Variants in PRKAR1A observed in about 807,000 individuals in gnomAD.
PRKAR1A encodes the protein protein kinase cAMP-dependent type I regulatory subunit alpha, also known as cAMP-dependent protein kinase type I-alpha regulatory subunit.
In PRKAR1A, 3 loss-of-function variants were observed where a neutral mutation model predicts 52.0. The observed-to-expected ratio is 0.06, with a 90% CI of 0.03 to 0.15. The LOEUF is 0.15. Among genes scored for constraint, PRKAR1A ranks in the 10% least tolerant of loss-of-function variants. The probability of loss-of-function intolerance (pLI) is 1.00; values close to 1 mark genes in which losing one functional copy is unlikely to be tolerated. For missense variants in PRKAR1A, 240 were observed against 477.4 expected, an observed-to-expected ratio of 0.50 and a Z score of 4.63; for synonymous variants, 188 against 168.4, an observed-to-expected ratio of 1.12 and a Z score of -0.90.
chr17:68,539,226 C>G, intron 11 of PRKAR1A: 1 of 972,228 alleles, frequency 1.0e-6, no homozygotes, highest in South Asian at 1.3e-5. Context: ...TCATTCTACC[C>G]ACTTACGTCC....
chr17:68,473,924 G>A, the PRKAR1A span, among the ~76,000 whole-genome samples: 2 of 152,146 alleles, frequency 1.3e-5, no homozygotes, highest in Non-Finnish European at 2.9e-5. Context: ...TTGGAAACTG[G>A]GAGAATGGGA....
intron 9 of PRKAR1A, among the ~76,000 whole-genome samples, chr17:68,529,619 T>A (rs1314790278): frequency 1.3e-5 from 2 of 152,228 alleles, no homozygotes; most frequent in African/African-American, 2.4e-5. Flanking sequence ...TAAATGAATG[T>A]ATGTGGTATT....
chr17:68,476,326 A>C, the PRKAR1A span, among the ~76,000 whole-genome samples: 1 of 152,186 alleles, frequency 6.6e-6, no homozygotes, highest in Non-Finnish European at 1.5e-5. Context: ...AGGTATTTGA[A>C]GGCAGAAGGA....
At chr17:68,541,707 A>T in intron 11 of PRKAR1A, 1 of 371,796 alleles carries the variant, frequency 2.7e-6, no homozygotes, top group Non-Finnish European at 4.9e-6. Flanking sequence ...TGTTCTCCCC[A>T]CTAGACCAAG....
At chr17:68,434,205 T>A in the PRKAR1A span, among the ~76,000 whole-genome samples, 1 of 152,186 alleles carries the variant, frequency 6.6e-6, no homozygotes, top group African/African-American at 2.4e-5. Flanking sequence ...CTACATCCGA[T>A]AAGATCCCAA....
the PRKAR1A span, among the ~76,000 whole-genome samples, chr17:68,431,948 C>G: frequency 1.3e-5 from 2 of 152,172 alleles, no homozygotes; most frequent in Non-Finnish European, 2.9e-5. Context: ...TGAACGGCAT[C>G]TTAACAGCTC....
chr17:68,479,120 C>CA, the PRKAR1A span, among the ~76,000 whole-genome samples: 1 of 152,144 alleles, frequency 6.6e-6, no homozygotes, highest in Admixed American at 6.5e-5. Flanking sequence ...TCTTTTTGTC[C>CA]AGTATTTTAG....
intron 11 of PRKAR1A, among the ~76,000 whole-genome samples, chr17:68,546,791 C>T (rs1009101890): frequency 1.4e-5 from 2 of 140,978 alleles, no homozygotes; most frequent in African/African-American, 2.7e-5. Flanking sequence ...GATTGAGCCA[C>T]TGGACTCCAG....
chr17:68,515,653 T>G (rs1191980333), intron 2 of PRKAR1A, 77 bp downstream of exon 2: 1 of 1,490,038 alleles, frequency 6.7e-7, no homozygotes, highest in Non-Finnish European at 9.2e-7. Flanking sequence ...TACTAATTTG[T>G]ATTTTTTGGA....
Position 68,530,775 on chromosome 17 carries a change from G to A in PRKAR1A, c.*326G>A. 3.9e-6 allele frequency: 5 copies of A among 1,292,918 alleles called. No individual in the cohort carries two copies. Among genetic ancestry groups the A allele is most frequent in the Non-Finnish European group, 4.9e-6 (5 of 1,010,178 alleles). 80.1% of individuals were successfully genotyped at this position (1,292,918 alleles called of 1,614,324 possible). A position where few individuals can be genotyped will look rare whatever the true frequency, so the allele number is the denominator to read the frequency against. Reference sequence around the variant, plus strand: ...CCAGCACCTATTGAATTACCATAGAGTAATGATGTAACAGTGCAAGATTTT... The same window carrying A: ...CCAGCACCTATTGAATTACCATAGAATAATGATGTAACAGTGCAAGATTTT... On this transcript the variant is annotated 3_prime_UTR_variant, in exon 11 of 11. Coordinates refer to ENST00000589228, the MANE Select transcript of PRKAR1A (RefSeq NM_002734.5).
At chr17:68,480,769 C>T in the PRKAR1A span, among the ~76,000 whole-genome samples, 1 of 152,152 alleles carries the variant, frequency 6.6e-6, no homozygotes. Context: ...AGGCTGGTCT[C>T]GAACTTCTGG....
At chr17:68,460,159 C>T in the PRKAR1A span, among the ~76,000 whole-genome samples, 1 of 152,048 alleles carries the variant, frequency 6.6e-6, no homozygotes, top group Non-Finnish European at 1.5e-5. Context: ...ATTGAATATC[C>T]GGTGTGTATT....
the PRKAR1A span, chr17:68,435,843 G>C: frequency 8.8e-6 from 7 of 793,916 alleles, no homozygotes; most frequent in Admixed American, 2.2e-5. Context: ...TGTCCCCCAG[G>C]CCATCTGCAT....
chr17:68,424,894 A>AAACAC, the PRKAR1A span, among the ~76,000 whole-genome samples: 1 of 152,164 alleles, frequency 6.6e-6, no homozygotes, highest in Admixed American at 6.5e-5. Context: ...AAACAAAACA[A>AAACAC]ATCAGTACTT....
Position 68,515,709 on chromosome 17 carries a change from A to G in PRKAR1A, c.177+133A>G, listed in dbSNP as rs183077945. 1.3e-5 allele frequency: 15 copies of G among 1,129,804 alleles called. No individual in the cohort carries two copies. The Admixed American group carries it at 2.9e-4, about 22-fold the overall frequency. 70.0% of individuals were successfully genotyped at this position (1,129,804 alleles called of 1,614,324 possible). A position where few individuals can be genotyped will look rare whatever the true frequency, so the allele number is the denominator to read the frequency against. On this transcript the variant is annotated intron_variant, in intron 2 of 10. Transcript: ENST00000589228. ...TAAAAAGTCTAAAACAATTTCAAAT[A>G]AGAAATACAGTTAAGGCATTTGTAG...
intron 2 of PRKAR1A, among the ~76,000 whole-genome samples, chr17:68,517,304 G>T (rs2085464133): frequency 6.6e-6 from 1 of 152,142 alleles, no homozygotes; most frequent in African/African-American, 2.4e-5. Context: ...TCATAGTTCT[G>T]TGTATTAGGT....
upstream of PRKAR1A, among the ~76,000 whole-genome samples, chr17:68,509,970 C>G (rs117188998): frequency 3.4e-3 from 514 of 152,272 alleles, 3 homozygotes; most frequent in Non-Finnish European, 5.6e-3. Flanking sequence ...ATGTCAGCAG[C>G]TTGCTTGTTT....
the PRKAR1A span, among the ~76,000 whole-genome samples, chr17:68,447,660 G>T: frequency 8.5e-5 from 13 of 152,086 alleles, no homozygotes; most frequent in Non-Finnish European, 1.2e-4. Context: ...TGAAGTGCTG[G>T]GACCACACTT....
At chr17:68,549,253 G>A (rs2086720903) in intron 11 of PRKAR1A, among the ~76,000 whole-genome samples, 2 of 152,174 alleles carry the variant, frequency 1.3e-5, no homozygotes. Flanking sequence ...CCAGCACATT[G>A]GGAGGCCAAG....
Sources: allele counts gnomAD v4.1 joint callset (sites outside exome capture counted in the v4.1 genomes callset), GRCh38; gene constraint gnomAD v4.1.1; transcripts MANE v1.5; gene names NCBI Gene and HGNC (gene_info 2026-07-23, HGNC 2026-07-21).